Variants in VPS37A observed in about 807,000 individuals in gnomAD.
VPS37A encodes vacuolar protein sorting-associated protein 37A.
A neutral mutation model predicts 49.8 loss-of-function variants in VPS37A; 30 were observed. That is an observed-to-expected ratio of 0.60 (90% confidence interval 0.45 to 0.82). The LOEUF is 0.82. Ranked by LOEUF, VPS37A falls within the 40% of genes least tolerant of loss-of-function variation. VPS37A has a pLI of 0.00. For synonymous variants in VPS37A, 195 were observed against 160.6 expected, an observed-to-expected ratio of 1.21 and a Z score of -1.62; for missense variants, 593 against 464.4, an observed-to-expected ratio of 1.28 and a Z score of -2.55.
Position 17,268,881 on chromosome 8 carries a change from A to G in VPS37A, c.341A>G (p.Lys114Arg). The G allele has an allele frequency of 6.2e-7, 1 of 1,609,250 alleles. No individual in the cohort carries two copies. Among genetic ancestry groups the G allele is most frequent in the South Asian group, 1.1e-5 (1 of 89,950 alleles). The change falls in exon 4 of 12, where the codon AAA becomes AGA. Residue 114 changes from lysine to arginine, a missense_variant. Coordinates refer to ENST00000324849, the MANE Select transcript of VPS37A (RefSeq NM_152415.3). ...NNFTMHSDLG[K>R]IIQSLLDEFW... ...TTTACAATGCACTCAGATCTTGGAA[A>G]AATTATTCAGAGTCTGTTGGATGAG... is the stretch of plus-strand genomic sequence containing the variant.
At chr8:17,309,040 C>G in the VPS37A span, among the ~76,000 whole-genome samples, 1 of 152,208 alleles carries the variant, frequency 6.6e-6, no homozygotes, top group Admixed American at 6.5e-5. Context: ...AATGAACAAG[C>G]ATTCTCTGTC....
At chr8:17,298,317 T>A (rs570897206), downstream of VPS37A, 14 of 152,100 alleles carry the variant, frequency 9.2e-5, no homozygotes, top group Non-Finnish European at 1.9e-4. Flanking sequence ...ATGCCCAAAT[T>A]TTATATTCTG....
intron 1 of VPS37A, among the ~76,000 whole-genome samples, chr8:17,252,612 G>C (rs1812080846): frequency 6.6e-6 from 1 of 152,118 alleles, no homozygotes; most frequent in Admixed American, 6.5e-5. Context: ...TGGAAAGATT[G>C]GTTTCCACAT....
At chr8:17,284,447 A>C (rs1815396710) in intron 9 of VPS37A, 26 bp from the exon 10 acceptor site, 1 of 1,550,128 alleles carries the variant, frequency 6.5e-7, no homozygotes, top group Admixed American at 2.3e-5. Context: ...TCATAAATTA[A>C]AGTAGTGCCT....
intron 1 of VPS37A, 107 bp downstream of exon 1, chr8:17,247,476 T>A: frequency 1.4e-6 from 2 of 1,433,178 alleles, no homozygotes; most frequent in Non-Finnish European, 1.9e-6. Flanking sequence ...GCTCCTCATG[T>A]GGTTTACCTC....
At chr8:17,302,092 T>C, downstream of VPS37A, 2 of 1,602,834 alleles carry the variant, frequency 1.2e-6, no homozygotes, top group African/African-American at 1.3e-5. Flanking sequence ...GAGGCTTTCA[T>C]GAAGCCTTGC....
chr8:17,308,096 G>A, the VPS37A span, among the ~76,000 whole-genome samples: 1 of 151,694 alleles, frequency 6.6e-6, no homozygotes. Flanking sequence ...CATTATGGGA[G>A]ACTGATTTAT....
At chr8:17,323,327 A>G in the VPS37A span, among the ~76,000 whole-genome samples, 2 of 152,096 alleles carry the variant, frequency 1.3e-5, no homozygotes, top group African/African-American at 4.8e-5. Context: ...CGAAATCTAC[A>G]TCCCTTGACT....
intron 3 of VPS37A, 33 bp from the exon 4 acceptor site, chr8:17,268,823 G>T: frequency 3.6e-6 from 5 of 1,381,242 alleles, no homozygotes; most frequent in Non-Finnish European, 5.1e-6. Context: ...TTTTCTGGAA[G>T]TGATTTTAAG....
downstream of VPS37A, chr8:17,304,590 T>A: frequency 6.7e-7 from 1 of 1,498,250 alleles, no homozygotes; most frequent in Non-Finnish European, 9.2e-7. Flanking sequence ...GTTATATTAA[T>A]GCTGGAAAGG....
At chr8:17,272,696 A>G (rs889988379) in intron 4 of VPS37A, among the ~76,000 whole-genome samples, 1 of 152,192 alleles carries the variant, frequency 6.6e-6, no homozygotes, top group Non-Finnish European at 1.5e-5. Flanking sequence ...ATATTCACAT[A>G]CATATCACTA....
chr8:17,314,276 G>A, the VPS37A span, among the ~76,000 whole-genome samples: 1 of 152,056 alleles, frequency 6.6e-6, no homozygotes, highest in East Asian at 1.9e-4. Context: ...AGAAATCATA[G>A]ATTTCTTTTT....
At chr8:17,317,979 G>A in the VPS37A span, among the ~76,000 whole-genome samples, 13 of 152,036 alleles carry the variant, frequency 8.6e-5, no homozygotes, top group African/African-American at 3.1e-4. Flanking sequence ...TATATGTTGT[G>A]TTTAACTGGA....
intron 1 of VPS37A, among the ~76,000 whole-genome samples, chr8:17,265,482 A>G (rs1375907439): frequency 1.3e-5 from 2 of 152,174 alleles, no homozygotes; most frequent in Non-Finnish European, 2.9e-5. Flanking sequence ...CGTCTCATCT[A>G]GACTTTTAAG....
At chr8:17,259,870 T>G (rs1313441136) in intron 1 of VPS37A, among the ~76,000 whole-genome samples, 1 of 152,140 alleles carries the variant, frequency 6.6e-6, no homozygotes, top group Non-Finnish European at 1.5e-5. Flanking sequence ...TCTGTTTTAT[T>G]TGCTGTAAGT....
chr8:17,289,745 C>A (rs376665189), intron 11 of VPS37A, among the ~76,000 whole-genome samples: 3 of 152,238 alleles, frequency 2.0e-5, no homozygotes, highest in African/African-American at 4.8e-5. Flanking sequence ...TGAAGAAATT[C>A]AATGGTAGCT....
At chr8:17,304,508 C>A, downstream of VPS37A, 1 of 1,613,284 alleles carries the variant, frequency 6.2e-7, no homozygotes, top group African/African-American at 1.3e-5. Context: ...TGAGTATGTT[C>A]TTTCTTGAAT....
At chr8:17,291,686 C>T (rs1816175113) in intron 11 of VPS37A, among the ~76,000 whole-genome samples, 1 of 152,126 alleles carries the variant, frequency 6.6e-6, no homozygotes, top group South Asian at 2.1e-4. Context: ...TCTTTGTTCT[C>T]ATTGGTTTCA....
intron 1 of VPS37A, among the ~76,000 whole-genome samples, chr8:17,256,304 T>C (rs1812452689): frequency 7.1e-6 from 1 of 141,076 alleles, no homozygotes; most frequent in Admixed American, 7.0e-5. Context: ...TTTTTTTTTT[T>C]TTTTTTTTTT....
Sources: gnomAD v4.1 joint callset for allele counts (sites outside exome capture counted in the v4.1 genomes callset) on GRCh38, gnomAD v4.1.1 for gene constraint, MANE v1.5 for transcripts, NCBI Gene and HGNC (gene_info 2026-07-23, HGNC 2026-07-21) for gene names.